Variants in RBMS1 observed in about 807,000 individuals in gnomAD.
RBMS1 encodes RNA-binding motif, single-stranded-interacting protein 1.
RBMS1 carries 17 observed loss-of-function variants against 62.3 expected under a neutral mutation model. That is an observed-to-expected ratio of 0.27 (90% CI 0.19 to 0.41). The LOEUF (loss-of-function observed/expected upper bound fraction) is 0.41. Ranked by LOEUF, RBMS1 falls within the 10% of genes least tolerant of loss-of-function variation. The pLI is 1.00. For missense variants in RBMS1, 334 were observed against 504.5 expected (o/e 0.66, Z 3.24); for synonymous variants, 172 against 170.0 (o/e 1.01, Z -0.09).
At chr2:160,450,649 T>C (rs1447740809) in intron 1 of RBMS1, among the ~76,000 whole-genome samples, 1 of 151,870 alleles carries the variant, frequency 6.6e-6, no homozygotes, top group Non-Finnish European at 1.5e-5. Flanking sequence ...GCCTTCTTCC[T>C]TTGGATTAAA....
intron 1 of RBMS1, 40 bp from the exon 2 acceptor site, chr2:160,367,431 AG>A: frequency 6.2e-7 from 1 of 1,608,630 alleles, no homozygotes; most frequent in Non-Finnish European, 8.5e-7. Flanking sequence ...TGCTAGCATT[AG>A]GAGGCTGACA....
chr2:160,297,154 T>A (rs571788749), intron 6 of RBMS1, among the ~76,000 whole-genome samples: 3 of 152,310 alleles, frequency 2.0e-5, no homozygotes, highest in African/African-American at 7.2e-5. Context: ...GAAGTAGAAT[T>A]ACAGATGCAT....
chr2:160,378,396 T>G (rs1275355035), intron 1 of RBMS1, among the ~76,000 whole-genome samples: 1 of 152,080 alleles, frequency 6.6e-6, no homozygotes, highest in Non-Finnish European at 1.5e-5. Context: ...GGTGATCACT[T>G]GAGCCCAGGA....
At chr2:160,404,294 C>G (rs1028550676) in intron 1 of RBMS1, among the ~76,000 whole-genome samples, 1 of 152,132 alleles carries the variant, frequency 6.6e-6, no homozygotes, top group Admixed American at 6.5e-5. Flanking sequence ...TGCCAGAGAT[C>G]AGTACTCCCT....
At position 160,303,482 on chromosome 2, in the gene RBMS1, C is replaced by T. The variant is rs776142767; in HGVS notation, c.408G>A (p.Gln136=). 6 of 1,606,590 alleles carry T rather than the reference C, an allele frequency of 3.7e-6. No homozygotes were observed. The change falls in exon 5 of 14, where the codon CAG becomes CAA. Residue 136 remains glutamine, a synonymous_variant. Coordinates refer to ENST00000348849, the MANE Select transcript of RBMS1 (RefSeq NM_016836.4). ...SGVQAQMAKQ[Q]EQDPTNLYIS... ...TGTAGAGGTTGGTAGGATCTTGTTC[C>T]TGTTGCTAAAACAGAAGAGAGTGTT...
intron 2 of RBMS1, among the ~76,000 whole-genome samples, chr2:160,336,807 G>A (rs1247026190): frequency 1.3e-5 from 2 of 152,148 alleles, no homozygotes; most frequent in Non-Finnish European, 2.9e-5. Flanking sequence ...TGGCCACTGT[G>A]CTGTGTACGC....
intron 1 of RBMS1, among the ~76,000 whole-genome samples, chr2:160,404,712 C>G (rs779255475): frequency 2.6e-5 from 4 of 152,190 alleles, no homozygotes; most frequent in African/African-American, 9.7e-5. Flanking sequence ...TCATTCAGTA[C>G]AGCCACATTT....
chr2:160,427,494 CAT>C (rs1682686882), intron 1 of RBMS1, among the ~76,000 whole-genome samples: 2 of 152,078 alleles, frequency 1.3e-5, no homozygotes, highest in South Asian at 4.2e-4. Flanking sequence ...AATATATAAA[CAT>C]ATATGTTTAT....
Position 160,471,716 on chromosome 2 carries a change from T to TATATATATATATACATATATATATATAA in RBMS1, c.75+21572_75+21573insTTATATATATATATGTATATATATATAT, listed in dbSNP as rs371634389. 1.3e-4 allele frequency among the ~76,000 whole-genome samples: 10 copies of TATATATATATATACATATATATATATAA among 76,232 alleles called. 1 individual carries two copies. The highest frequency in any genetic ancestry group is 3.1e-4 in the African/African-American group (7 of 22,502). 50.0% of individuals were successfully genotyped at this position (76,232 alleles called of 152,430 possible). On this transcript the variant is annotated intron_variant, in intron 1 of 13. Coordinates refer to ENST00000348849, the MANE Select transcript of RBMS1 (RefSeq NM_016836.4). ...GTATATATATATATATATATATATA[T>TATATATATATATACATATATATATATAA]AACCTTTCATACATTCTGATTATAA...
At chr2:160,403,033 G>A (rs1024476078) in intron 1 of RBMS1, among the ~76,000 whole-genome samples, 1 of 152,158 alleles carries the variant, frequency 6.6e-6, no homozygotes, top group Admixed American at 6.5e-5. Context: ...CTAGAAGTAT[G>A]TTCAAAACCT....
At chr2:160,489,073 T>C (rs1164080484) in intron 1 of RBMS1, among the ~76,000 whole-genome samples, 2 of 152,208 alleles carry the variant, frequency 1.3e-5, no homozygotes, top group African/African-American at 4.8e-5. Context: ...CACCTATCTT[T>C]TCCTTTTCCC....
chr2:160,445,214 A>G (rs182507512), intron 1 of RBMS1, among the ~76,000 whole-genome samples: 22 of 152,332 alleles, frequency 1.4e-4, no homozygotes, highest in Non-Finnish European at 2.9e-4. Context: ...ATATTCATAG[A>G]TATTTTTTAA....
chr2:160,324,882 G>GTGTATATATATA (rs1206910746), intron 2 of RBMS1, among the ~76,000 whole-genome samples: 34 of 100,012 alleles, frequency 3.4e-4, no homozygotes, highest in South Asian at 3.0e-3. Flanking sequence ...GTGTGTGTGT[G>GTGTATATATATA]TATATATATA....
chr2:160,323,738 C>T (rs1002958370), intron 2 of RBMS1, among the ~76,000 whole-genome samples: 1 of 151,892 alleles, frequency 6.6e-6, no homozygotes, highest in African/African-American at 2.4e-5. Flanking sequence ...GTAGATAATC[C>T]ACTCCAGAGC....
intron 1 of RBMS1, among the ~76,000 whole-genome samples, chr2:160,384,878 G>A (rs1201870905): frequency 6.6e-6 from 1 of 152,168 alleles, no homozygotes. Context: ...GACCTGGTGG[G>A]GGGTTTGAAT....
In RBMS1 at chr2:160,285,138, T is replaced by G. The variant is rs1688309718; in HGVS notation, c.757-94A>C. 8 of 1,224,202 alleles carry G rather than the reference T, an allele frequency of 6.5e-6. No homozygotes were observed. The South Asian group carries it at 9.8e-5, about 15-fold the overall frequency. 75.8% of individuals were successfully genotyped at this position (1,224,202 alleles called of 1,614,324 possible). A position where few individuals can be genotyped will look rare whatever the true frequency, so the allele number is the denominator to read the frequency against. On this transcript the variant is annotated intron_variant, in intron 7 of 13. Transcript: ENST00000348849. ...CAGGTGTGGTGGTGTGCACCTGTAG[T>G]CCCAGCTGCTGGGGAGGCTGAGGTG... is the stretch of plus-strand genomic sequence containing the variant.
chr2:160,478,247 A>AT (rs1685223764), intron 1 of RBMS1, among the ~76,000 whole-genome samples: 2 of 152,214 alleles, frequency 1.3e-5, no homozygotes, highest in African/African-American at 4.8e-5. Flanking sequence ...CACTTCGAGA[A>AT]TTCACCAGTT....
At chr2:160,309,285 C>T (rs1000249448) in intron 4 of RBMS1, among the ~76,000 whole-genome samples, 1 of 152,096 alleles carries the variant, frequency 6.6e-6, no homozygotes. Context: ...CAAGAGAGGG[C>T]GACCACTCAG....
At chr2:160,283,836 C>A (rs1377540319) in intron 9 of RBMS1, 2 of 152,102 alleles carry the variant, frequency 1.3e-5, no homozygotes, top group Non-Finnish European at 2.9e-5. Flanking sequence ...GAGATAGAAA[C>A]TATTATTATC....
Sources: gnomAD v4.1 joint callset for allele counts (sites outside exome capture counted in the v4.1 genomes callset) on GRCh38, gnomAD v4.1.1 for gene constraint, MANE v1.5 for transcripts, NCBI Gene and HGNC (gene_info 2026-07-23, HGNC 2026-07-21) for gene names.